SOX5: variants seen among roughly 807,000 people sequenced by gnomAD.
SOX5 encodes the protein transcription factor SOX-5.
Under a neutral mutation model 92.0 loss-of-function variants are expected in SOX5, and 9 were observed. The observed-to-expected ratio is 0.10, with a 90% confidence interval of 0.06 to 0.17. The LOEUF (loss-of-function observed/expected upper bound fraction) is 0.17. Ranked by LOEUF, SOX5 falls within the 10% of genes least tolerant of loss-of-function variation. The pLI is 1.00. For missense variants in SOX5, 642 were observed against 944.5 expected (o/e 0.68, Z 4.20); for synonymous variants, 344 against 336.3 (o/e 1.02, Z -0.25).
intron 8 of SOX5, among the ~76,000 whole-genome samples, chr12:23,627,046 G>C (rs1314339542): frequency 1.3e-5 from 2 of 152,120 alleles, no homozygotes; most frequent in Non-Finnish European, 2.9e-5. Flanking sequence ...TATTTTGGTT[G>C]CCTTTATAAT....
At chr12:24,255,884 G>C (rs749768973) in intron 3 of SOX5, among the ~76,000 whole-genome samples, 1 of 152,138 alleles carries the variant, frequency 6.6e-6, no homozygotes, top group Non-Finnish European at 1.5e-5. Flanking sequence ...GAGTGTTGGA[G>C]AAAAGACAGT....
intron 2 of SOX5, among the ~76,000 whole-genome samples, chr12:24,347,185 C>A (rs137935130): frequency 1.6e-3 from 241 of 152,218 alleles, no homozygotes; most frequent in African/African-American, 5.4e-3. Context: ...TTGCCATGCA[C>A]CAAGTACTAA....
intron 3 of SOX5, among the ~76,000 whole-genome samples, chr12:23,773,829 T>C (rs1403507010): frequency 6.6e-6 from 1 of 152,150 alleles, no homozygotes; most frequent in Non-Finnish European, 1.5e-5. Flanking sequence ...AAAATGTTAA[T>C]GGAAATCAAG....
intron 4 of SOX5, among the ~76,000 whole-genome samples, chr12:24,003,290 C>T (rs772888478): frequency 1.3e-5 from 2 of 151,924 alleles, no homozygotes; most frequent in Non-Finnish European, 2.9e-5. Flanking sequence ...TAACATTGTA[C>T]TGGAGGTTCT....
intron 10 of SOX5, among the ~76,000 whole-genome samples, chr12:23,569,953 A>G (rs1434688206): frequency 1.3e-5 from 2 of 152,184 alleles, no homozygotes; most frequent in Admixed American, 6.5e-5. Context: ...CCAGGGCAGG[A>G]TCTGTTGAAG....
chr12:23,604,630 C>T (rs1325153703), intron 8 of SOX5, 97 bp from the exon 9 acceptor site: 3 of 1,218,050 alleles, frequency 2.5e-6, no homozygotes, highest in Non-Finnish European at 2.3e-6. Flanking sequence ...TGGTATTTTT[C>T]CTATGAGCAT....
intron 3 of SOX5, among the ~76,000 whole-genome samples, chr12:24,224,805 T>G (rs1198872401): frequency 6.6e-6 from 1 of 152,216 alleles, no homozygotes; most frequent in Admixed American, 6.5e-5. Context: ...CACTGATAAG[T>G]GCAATGGTAT....
intron 4 of SOX5, among the ~76,000 whole-genome samples, chr12:23,981,350 A>G (rs1949551414): frequency 6.6e-6 from 1 of 152,202 alleles, no homozygotes; most frequent in Non-Finnish European, 1.5e-5. Context: ...GAAAAATAAG[A>G]AAATGAAACA....
chr12:24,538,134 T>A (rs1951801219), intron 1 of SOX5, among the ~76,000 whole-genome samples: 1 of 152,170 alleles, frequency 6.6e-6, no homozygotes, highest in Non-Finnish European at 1.5e-5. Flanking sequence ...AGCTCACACA[T>A]TTTTGAATAG....
chr12:23,717,792 T>C (rs2092593579), intron 6 of SOX5, among the ~76,000 whole-genome samples: 1 of 152,196 alleles, frequency 6.6e-6, no homozygotes, highest in Non-Finnish European at 1.5e-5. Context: ...CATCCTGAGG[T>C]TATTTTCTGC....
intron 11 of SOX5, among the ~76,000 whole-genome samples, chr12:23,549,108 A>G (rs2136118851): frequency 6.6e-6 from 1 of 152,090 alleles, no homozygotes; most frequent in Non-Finnish European, 1.5e-5. Flanking sequence ...GTGTTTTTTC[A>G]TAAGAGCAAA....
At chr12:24,399,411 A>G (rs1960937670) in intron 1 of SOX5, among the ~76,000 whole-genome samples, 1 of 152,232 alleles carries the variant, frequency 6.6e-6, no homozygotes, top group Admixed American at 6.5e-5. Context: ...AAGGAATTTT[A>G]TTTCAAGACA....
intron 8 of SOX5, among the ~76,000 whole-genome samples, chr12:23,618,123 C>T (rs950147405): frequency 3.9e-5 from 6 of 152,190 alleles, no homozygotes; most frequent in African/African-American, 1.4e-4. Flanking sequence ...AAGAAGGACA[C>T]TGGCTGGAAG....
At chr12:24,301,885 G>A (rs1947997300) in intron 2 of SOX5, among the ~76,000 whole-genome samples, 2 of 152,002 alleles carry the variant, frequency 1.3e-5, no homozygotes, top group Non-Finnish European at 2.9e-5. Flanking sequence ...TCTGTTCTTT[G>A]GGCAAAATAC....
At chr12:23,936,612 T>C (rs1431199042) in intron 1 of SOX5, among the ~76,000 whole-genome samples, 2 of 150,772 alleles carry the variant, frequency 1.3e-5, no homozygotes. Flanking sequence ...TAGATAAAGA[T>C]AGAAGTTTTG....
chr12:24,102,872 C>A (rs1436130488), intron 4 of SOX5, among the ~76,000 whole-genome samples: 1 of 152,140 alleles, frequency 6.6e-6, no homozygotes, highest in East Asian at 1.9e-4. Context: ...TTGTTCCAAG[C>A]TATTAACCTA....
intron 4 of SOX5, among the ~76,000 whole-genome samples, chr12:24,094,400 G>C (rs1442735365): frequency 6.8e-6 from 1 of 147,808 alleles, no homozygotes; most frequent in East Asian, 2.0e-4. Context: ...AAATTGTAAA[G>C]TTCTAAATGC....
chr12:24,033,119 A>T (rs974445713), intron 4 of SOX5, among the ~76,000 whole-genome samples: 5 of 151,948 alleles, frequency 3.3e-5, no homozygotes, highest in African/African-American at 1.2e-4. Flanking sequence ...CATTTAGGGA[A>T]GTAGAAAATG....
At chr12:23,769,362 GA>G (rs547044114) in intron 3 of SOX5, among the ~76,000 whole-genome samples, 7,564 of 142,466 alleles carry the variant, frequency 0.053, 294 homozygotes, top group African/African-American at 0.11. Flanking sequence ...AGCATGGAAG[GA>G]AAAAAAAAAA....
Sources: allele counts gnomAD v4.1 joint callset (sites outside exome capture counted in the v4.1 genomes callset), GRCh38; gene constraint gnomAD v4.1.1; transcripts MANE v1.5; gene names NCBI Gene and HGNC (gene_info 2026-07-23, HGNC 2026-07-21).